The following SAMD12 variants were observed in gnomAD, a reference collection of about 807,000 sequenced individuals.
SAMD12 encodes sterile alpha motif domain containing 12, also known as sterile alpha motif domain-containing protein 12.
Under a neutral mutation model 15.0 loss-of-function variants are expected in SAMD12, and 9 were observed. The observed-to-expected ratio is 0.60, with a 90% CI of 0.36 to 1.05. SAMD12 has a LOEUF of 1.05. Ranked by LOEUF, SAMD12 falls within the 50% of genes least tolerant of loss-of-function variation. The pLI, the probability that SAMD12 is intolerant of heterozygous loss-of-function variation, is 0.01. For synonymous variants in SAMD12, 86 were observed against 90.1 expected, an observed-to-expected ratio of 0.96 and a Z score of 0.25; for missense variants, 230 against 234.2, an observed-to-expected ratio of 0.98 and a Z score of 0.12.
At chr8:118,581,445 T>C (rs1827294471) in intron 1 of SAMD12, among the ~76,000 whole-genome samples, 1 of 152,052 alleles carries the variant, frequency 6.6e-6, no homozygotes, top group Non-Finnish European at 1.5e-5. Flanking sequence ...GAACTCACAA[T>C]GTAATAAAGG....
At chr8:118,242,410 T>C (rs1216944453) in intron 4 of SAMD12, among the ~76,000 whole-genome samples, 1 of 152,142 alleles carries the variant, frequency 6.6e-6, no homozygotes, top group Admixed American at 6.5e-5. Context: ...TTTTCCATGG[T>C]TGCAGTTATC....
intron 4 of SAMD12, among the ~76,000 whole-genome samples, chr8:118,356,791 C>T (rs1273939675): frequency 6.6e-6 from 1 of 152,216 alleles, no homozygotes; most frequent in Non-Finnish European, 1.5e-5. Context: ...CTCTCTGCTT[C>T]ATGCTTCTTC....
chr8:118,502,697 T>C (rs1290786082), intron 2 of SAMD12, among the ~76,000 whole-genome samples: 2 of 152,216 alleles, frequency 1.3e-5, no homozygotes, highest in Admixed American at 6.5e-5. Flanking sequence ...CGCTATAATT[T>C]TGAAGAAAAC....
At chr8:118,322,210 G>A (rs1816321908) in intron 4 of SAMD12, among the ~76,000 whole-genome samples, 1 of 152,010 alleles carries the variant, frequency 6.6e-6, no homozygotes, top group Non-Finnish European at 1.5e-5. Flanking sequence ...CTCTGAAATA[G>A]GCCTCCCACA....
intron 2 of SAMD12, among the ~76,000 whole-genome samples, chr8:118,502,479 A>T (rs542141714): frequency 1.4e-4 from 22 of 152,328 alleles, no homozygotes; most frequent in African/African-American, 5.3e-4. Flanking sequence ...CCTGTCTTAC[A>T]ATCTTAGGTT....
At chr8:118,376,303 T>C (rs144678553), downstream of SAMD12, among the ~76,000 whole-genome samples, 211 of 152,306 alleles carry the variant, frequency 1.4e-3, no homozygotes, top group African/African-American at 5.0e-3. Flanking sequence ...AATTTATGTA[T>C]TGAAATCCTA....
chr8:118,614,264 G>A (rs571662184), intron 1 of SAMD12, among the ~76,000 whole-genome samples: 19 of 152,252 alleles, frequency 1.2e-4, no homozygotes, highest in Middle Eastern at 3.4e-3. Context: ...GGTCTTAAGA[G>A]CTTCCCTTAT....
chr8:118,455,159 A>G (rs1215761975), intron 2 of SAMD12, among the ~76,000 whole-genome samples: 1 of 151,904 alleles, frequency 6.6e-6, no homozygotes, highest in Non-Finnish European at 1.5e-5. Flanking sequence ...TGCTAATTCC[A>G]GTGTTACTTC....
Position 118,621,633 on chromosome 8 carries a change from G to A in SAMD12, c.13+171C>T, listed in dbSNP as rs988607026. 5.8e-6 allele frequency: 4 copies of A among 692,282 alleles called. No individual in the cohort carries two copies. The African/African-American group carries it at 7.1e-5, about 12-fold the overall frequency. The allele number at this position is 692,282 out of a possible 1,614,324, so 42.9% of individuals were successfully genotyped here. ...CTCTCCAAAGCAACTGAATTAAAGC[G>A]CCTACTGGCCTTGGCGGCGCAGGTG... On this transcript the variant is annotated intron_variant, in intron 1 of 3. Transcript: ENST00000314727.
At chr8:118,312,770 G>A (rs554093048) in intron 4 of SAMD12, among the ~76,000 whole-genome samples, 1 of 152,124 alleles carries the variant, frequency 6.6e-6, no homozygotes, top group Admixed American at 6.6e-5. Flanking sequence ...GTTTAGAAAG[G>A]TTAATAGTGA....
intron 2 of SAMD12, among the ~76,000 whole-genome samples, chr8:118,556,714 C>A (rs1826542067): frequency 6.6e-6 from 1 of 152,088 alleles, no homozygotes; most frequent in South Asian, 2.1e-4. Context: ...CCTGTAATCC[C>A]AGTACTTTGG....
exon 5 of SAMD12, chr8:118,197,685 C>T: frequency 6.2e-7 from 1 of 1,607,216 alleles, no homozygotes; most frequent in Non-Finnish European, 8.5e-7. Context: ...ACTGGCAGGA[C>T]AGCAGCTTGG....
chr8:118,231,930 A>G (rs1563706939), intron 4 of SAMD12, among the ~76,000 whole-genome samples: 1 of 151,952 alleles, frequency 6.6e-6, no homozygotes, highest in Non-Finnish European at 1.5e-5. Flanking sequence ...GCACTCCTTC[A>G]TACTCTTTTA....
intron 4 of SAMD12, among the ~76,000 whole-genome samples, chr8:118,276,924 C>T (rs1221159160): frequency 6.6e-6 from 1 of 152,114 alleles, no homozygotes; most frequent in South Asian, 2.1e-4. Flanking sequence ...CCACCCACCT[C>T]GGCCTCCCAA....
At chr8:118,147,847 T>A in the SAMD12 span, among the ~76,000 whole-genome samples, 934 of 152,134 alleles carry the variant, frequency 6.1e-3, 4 homozygotes, top group Non-Finnish European at 0.01. Flanking sequence ...ACTCCTAGAC[T>A]CAAGAGATCC....
chr8:118,556,842 T>C (rs1008496135), intron 2 of SAMD12, among the ~76,000 whole-genome samples: 9 of 151,986 alleles, frequency 5.9e-5, no homozygotes, highest in Admixed American at 5.9e-4. Context: ...CAGCTGCCTG[T>C]AATCCCAACT....
intron 1 of SAMD12, among the ~76,000 whole-genome samples, chr8:118,585,954 C>T (rs1002253621): frequency 1.3e-5 from 2 of 152,180 alleles, no homozygotes; most frequent in Non-Finnish European, 2.9e-5. Flanking sequence ...AGGAAGCCAC[C>T]CAACTTCCAG....
At chr8:118,239,479 T>C (rs751327654) in intron 4 of SAMD12, among the ~76,000 whole-genome samples, 2 of 152,164 alleles carry the variant, frequency 1.3e-5, no homozygotes, top group African/African-American at 2.4e-5. Flanking sequence ...CAGACACTCT[T>C]CTAGCTGCTT....
At chr8:118,202,436 C>T (rs999144924) in intron 4 of SAMD12, among the ~76,000 whole-genome samples, 4 of 152,100 alleles carry the variant, frequency 2.6e-5, no homozygotes, top group African/African-American at 7.2e-5. Context: ...CCCAGATTAG[C>T]GCAGCCCTTA....
Sources: allele counts gnomAD v4.1 joint callset (sites outside exome capture counted in the v4.1 genomes callset), GRCh38; gene constraint gnomAD v4.1.1; transcripts MANE v1.5; gene names NCBI Gene and HGNC (gene_info 2026-07-23, HGNC 2026-07-21).